The following TM9SF4 variants were observed in gnomAD, a reference collection of about 807,000 sequenced individuals.
TM9SF4 encodes transmembrane 9 superfamily member 4.
TM9SF4 carries 26 observed loss-of-function variants against 90.4 expected under a neutral mutation model. The observed-to-expected ratio is 0.29, with a 90% CI of 0.21 to 0.40. The LOEUF (loss-of-function observed/expected upper bound fraction) is 0.40, where lower values mean the gene tolerates loss of function less well. Among genes scored for constraint, TM9SF4 ranks in the 10% least tolerant of loss-of-function variants. The pLI, the probability that TM9SF4 is intolerant of heterozygous loss-of-function variation, is 1.00. For synonymous variants in TM9SF4, 293 were observed against 315.4 expected (o/e 0.93, Z 0.75); for missense variants, 549 against 834.8 (o/e 0.66, Z 4.22).
chr20:32,133,008 A>G lies in TM9SF4; in HGVS notation c.16-5A>G. 1 of 1,613,540 alleles carries G rather than the reference A, an allele frequency of 6.2e-7. No homozygotes were observed. Among genetic ancestry groups the G allele is most frequent in the South Asian group, 1.1e-5 (1 of 91,052 alleles). On this transcript the variant is annotated splice_polypyrimidine_tract_variant and splice_region_variant and intron_variant, in intron 1 of 17. Coordinates refer to ENST00000398022, the MANE Select transcript of TM9SF4 (RefSeq NM_014742.4). ...CAATCCAACCCTGGCCTCTCTTCTGAGCAGGATTGGTTGCCGTGGTCTTTA... is the reference window on the plus strand; with the variant it reads ...CAATCCAACCCTGGCCTCTCTTCTGGGCAGGATTGGTTGCCGTGGTCTTTA...
Position 32,114,755 on chromosome 20 carries a change from G to A in TM9SF4, c.15+5000G>A, listed in dbSNP as rs1173694934. Reference sequence around the variant, plus strand: ...GTGCAGGAAGTTGCTGTCTCCTCTGGACCCCATGTACAGGAGGACATGAGC... The same window carrying A: ...GTGCAGGAAGTTGCTGTCTCCTCTGAACCCCATGTACAGGAGGACATGAGC... On this transcript the variant is annotated intron_variant, in intron 1 of 17. Transcript: ENST00000398022. Among the ~76,000 whole-genome samples the A allele has an allele frequency of 3.3e-5, 5 of 152,324 alleles. No homozygotes were observed. In the East Asian group the frequency reaches 9.7e-4, roughly 29 times the overall value.
chr20:32,135,985 C>T lies in TM9SF4; in HGVS notation c.130-89C>T, dbSNP rs578121606. The T allele has an allele frequency of 8.1e-4, 896 of 1,107,572 alleles. 1 individual carries two copies. Among genetic ancestry groups the T allele is most frequent in the Middle Eastern group, 1.2e-3 (6 of 5,014 alleles). The allele number at this position is 1,107,572 out of a possible 1,614,324, so 68.6% of individuals were successfully genotyped here. On this transcript the variant is annotated intron_variant, in intron 2 of 17. Transcript: ENST00000398022. ...CTGTCATTTCTGCTAATTCGTTTGC[C>T]TATTAGTTAATATTACCAAGTGTAC...
intron 6 of TM9SF4, 63 bp downstream of exon 6, chr20:32,143,168 T>C: frequency 6.3e-7 from 1 of 1,577,464 alleles, no homozygotes; most frequent in Non-Finnish European, 8.6e-7. Flanking sequence ...CCACGCAGGG[T>C]CTTCGCACTC....
At chr20:32,125,965 G>A (rs1295860346) in intron 1 of TM9SF4, among the ~76,000 whole-genome samples, 3 of 151,728 alleles carry the variant, frequency 2.0e-5, no homozygotes, top group Non-Finnish European at 4.4e-5. Flanking sequence ...CCACCGCACC[G>A]GGCTAGATTA....
At chr20:32,129,349 G>A (rs935394477) in intron 1 of TM9SF4, among the ~76,000 whole-genome samples, 14 of 152,012 alleles carry the variant, frequency 9.2e-5, no homozygotes, top group African/African-American at 2.9e-4. Flanking sequence ...AAAAAATTGC[G>A]GTGCATGGTG....
intron 17 of TM9SF4, among the ~76,000 whole-genome samples, chr20:32,164,130 T>C (rs1353574153): frequency 6.6e-6 from 1 of 152,164 alleles, no homozygotes; most frequent in African/African-American, 2.4e-5. Flanking sequence ...ACTTTCTGGC[T>C]CTGCCTCTTT....
intron 1 of TM9SF4, among the ~76,000 whole-genome samples, chr20:32,132,403 AAAG>A (rs1461174485): frequency 7.3e-5 from 11 of 150,544 alleles, no homozygotes; most frequent in African/African-American, 1.7e-4. Context: ...CAAAAAAAAA[AAAG>A]AAGAGAGATG....
chr20:32,111,796 T>A (rs2046145977), intron 1 of TM9SF4, among the ~76,000 whole-genome samples: 1 of 151,952 alleles, frequency 6.6e-6, no homozygotes, highest in Non-Finnish European at 1.5e-5. Flanking sequence ...GGGGCCGATG[T>A]GGAAGGGAGC....
chr20:32,149,839 G>A, intron 10 of TM9SF4, 73 bp downstream of exon 10: 2 of 1,582,802 alleles, frequency 1.3e-6, no homozygotes, highest in Non-Finnish European at 1.7e-6. Flanking sequence ...GAGAAGGGTG[G>A]GCTTCCCTCC....
At chr20:32,156,265 G>GT (rs1388590431) in intron 13 of TM9SF4, among the ~76,000 whole-genome samples, 1 of 152,154 alleles carries the variant, frequency 6.6e-6, no homozygotes, top group Non-Finnish European at 1.5e-5. Flanking sequence ...CTTGTAAAAA[G>GT]TAAGTGTAGA....
At chr20:32,138,909 G>A (rs1020780261) in intron 3 of TM9SF4, among the ~76,000 whole-genome samples, 3 of 152,284 alleles carry the variant, frequency 2.0e-5, no homozygotes, top group Admixed American at 6.5e-5. Flanking sequence ...ATATCACCAC[G>A]AGCAGGTCTC....
intron 17 of TM9SF4, among the ~76,000 whole-genome samples, chr20:32,163,802 G>T (rs1399514207): frequency 1.3e-5 from 2 of 151,788 alleles, no homozygotes; most frequent in Non-Finnish European, 2.9e-5. Context: ...GCAGAGACAG[G>T]GTTTCTCCAT....
chr20:32,159,852 GGCCAGA>G, intron 15 of TM9SF4, 134 bp from the exon 16 acceptor site: 2 of 1,235,090 alleles, frequency 1.6e-6, no homozygotes, highest in South Asian at 2.8e-5. Context: ...GGGGAAGAGG[GGCCAGA>G]GCCACATGCC....
intron 17 of TM9SF4, 61 bp from the exon 18 acceptor site, chr20:32,165,234 A>T (rs777454968): frequency 3.1e-6 from 5 of 1,601,278 alleles, no homozygotes; most frequent in Non-Finnish European, 4.3e-6. Flanking sequence ...GTGGGGCCCC[A>T]GTTCGCCATG....
intron 12 of TM9SF4, 151 bp downstream of exon 12, chr20:32,151,026 C>A: frequency 1.1e-6 from 1 of 904,860 alleles, no homozygotes; most frequent in Non-Finnish European, 1.7e-6. Context: ...GGTCCAAGGG[C>A]AGGAATCCCA....
chr20:32,145,747 G>A lies in TM9SF4; in HGVS notation c.883+324G>A, dbSNP rs568021293. Among the ~76,000 whole-genome samples the A allele has an allele frequency of 4.6e-5, 7 of 152,254 alleles. No individual in the cohort carries two copies. In the South Asian group the frequency reaches 1.5e-3, roughly 32 times the overall value. The stretch of plus-strand genomic sequence containing the variant: ...CTGGGAATATGGTATGAACAAGCCC[G>A]ACCCAGTCTCTGCTCCCATAGAGCC... On this transcript the variant is annotated intron_variant, in intron 8 of 17. Coordinates refer to ENST00000398022, the MANE Select transcript of TM9SF4 (RefSeq NM_014742.4).
intron 1 of TM9SF4, among the ~76,000 whole-genome samples, chr20:32,123,866 A>ATATATATATATATATATTTTT: frequency 1.1e-5 from 1 of 93,960 alleles, no homozygotes; most frequent in African/African-American, 4.5e-5. Context: ...ATATATATAT[A>ATATATATATATATATATTTTT]TTTTTTTTTT....
intron 1 of TM9SF4, among the ~76,000 whole-genome samples, chr20:32,114,533 A>G (rs548119211): frequency 2.6e-5 from 4 of 152,122 alleles, no homozygotes; most frequent in Non-Finnish European, 4.4e-5. Context: ...GGGTCTTGCT[A>G]TGTTGCCCAG....
At chr20:32,158,408 G>A in intron 14 of TM9SF4, 43 bp from the exon 15 acceptor site, 1 of 1,607,468 alleles carries the variant, frequency 6.2e-7, no homozygotes, top group Non-Finnish European at 8.5e-7. Context: ...GGGCTTCCTG[G>A]TGGCCTGGTC....
Sources: allele counts gnomAD v4.1 joint callset (sites outside exome capture counted in the v4.1 genomes callset), GRCh38; gene constraint gnomAD v4.1.1; transcripts MANE v1.5; gene names NCBI Gene and HGNC (gene_info 2026-07-23, HGNC 2026-07-21).